Variants in TTC39C observed in about 807,000 individuals in gnomAD.
TTC39C encodes the protein tetratricopeptide repeat protein 39C.
TTC39C carries 33 observed loss-of-function variants against 76.3 expected under a neutral mutation model. The observed-to-expected ratio is 0.43, with a 90% CI of 0.33 to 0.58. The LOEUF is 0.58. Among genes scored for constraint, TTC39C ranks in the 20% least tolerant of loss-of-function variants. The pLI, the probability that TTC39C is intolerant of heterozygous loss-of-function variation, is 0.04. For synonymous variants in TTC39C, 254 were observed against 260.6 expected, an observed-to-expected ratio of 0.97 and a Z score of 0.24; for missense variants, 595 against 701.4, an observed-to-expected ratio of 0.85 and a Z score of 1.71.
At chr18:24,069,635 T>C (rs1372985975) in intron 4 of TTC39C, among the ~76,000 whole-genome samples, 1 of 152,196 alleles carries the variant, frequency 6.6e-6, no homozygotes, top group Non-Finnish European at 1.5e-5. Flanking sequence ...TTTCAGGAAG[T>C]TGTTATTAAG....
At chr18:23,996,378 T>C (rs1194838484) in intron 1 of TTC39C, among the ~76,000 whole-genome samples, 1 of 152,240 alleles carries the variant, frequency 6.6e-6, no homozygotes, top group Non-Finnish European at 1.5e-5. Flanking sequence ...AGGTACACTC[T>C]AAATGTAAGC....
At chr18:24,095,680 C>T (rs2084579374) in intron 6 of TTC39C, among the ~76,000 whole-genome samples, 2 of 152,260 alleles carry the variant, frequency 1.3e-5, no homozygotes, top group East Asian at 1.9e-4. Flanking sequence ...GCCTGGGCGA[C>T]AAGAGTGAAA....
At position 24,095,724 on chromosome 18, in the gene TTC39C, CT is replaced by C. The variant is rs149622463; in HGVS notation, c.984+12647del. Reference sequence around the variant, plus strand: ...CAAAAAACAAACAAACAAAAAAAAACTTTTCCTTTGCATTCACAGCTTGGCT... The same window carrying C: ...CAAAAAACAAACAAACAAAAAAAAACTTTCCTTTGCATTCACAGCTTGGCT... On this transcript the variant is annotated intron_variant, in intron 6 of 13. Transcript: ENST00000317571. Among the ~76,000 whole-genome samples the C allele has an allele frequency of 3.4e-3, 517 of 152,050 alleles. 2 individuals carry two copies. Among genetic ancestry groups the C allele is most frequent in the African/African-American group, 0.011 (473 of 41,514 alleles).
At chr18:24,013,928 T>C (rs1234408925), upstream of TTC39C, among the ~76,000 whole-genome samples, 2 of 152,272 alleles carry the variant, frequency 1.3e-5, no homozygotes, top group Non-Finnish European at 2.9e-5. Flanking sequence ...AGTGTGAGAA[T>C]AGAACACACT....
chr18:24,079,217 T>C (rs905560879), intron 4 of TTC39C, among the ~76,000 whole-genome samples: 1 of 152,142 alleles, frequency 6.6e-6, no homozygotes, highest in Non-Finnish European at 1.5e-5. Context: ...TACAGAAAAT[T>C]CCCTACAGAA....
chr18:23,998,611 A>G (rs1160267506), intron 1 of TTC39C, among the ~76,000 whole-genome samples: 1 of 152,138 alleles, frequency 6.6e-6, no homozygotes, highest in Non-Finnish European at 1.5e-5. Flanking sequence ...CTCTGTCTCA[A>G]AAATATATAA....
rs914046950 is a variant in TTC39C, at chr18:24,025,164, C to T, written c.167+10126C>T. On this transcript the variant is annotated intron_variant, in intron 1 of 13. Transcript: ENST00000317571. ...GATTACAGTCATGAGCCACTGCGCC[C>T]GGCCTCCAAAATAAAATAATTTTGA... Among the ~76,000 whole-genome samples, 5 of 152,250 alleles carry T rather than the reference C, an allele frequency of 3.3e-5. No individual in the cohort carries two copies. In the East Asian group the frequency reaches 5.8e-4, roughly 18 times the overall value.
At chr18:24,096,531 G>A (rs145262591) in intron 6 of TTC39C, among the ~76,000 whole-genome samples, 89 of 152,114 alleles carry the variant, frequency 5.9e-4, no homozygotes, top group African/African-American at 1.9e-3. Flanking sequence ...AATTGTAAAC[G>A]GATGTTTAAA....
At chr18:24,070,806 G>A (rs747952939) in intron 4 of TTC39C, among the ~76,000 whole-genome samples, 1 of 151,916 alleles carries the variant, frequency 6.6e-6, no homozygotes, top group Admixed American at 6.6e-5. Flanking sequence ...TCACTCCACC[G>A]CACTCCAGCC....
At chr18:24,011,692 C>A (rs796469294), upstream of TTC39C, among the ~76,000 whole-genome samples, 2 of 152,340 alleles carry the variant, frequency 1.3e-5, no homozygotes, top group African/African-American at 4.8e-5. Context: ...ATTAAAGTTT[C>A]ATTTTCACAG....
intron 1 of TTC39C, among the ~76,000 whole-genome samples, chr18:24,025,136 TG>T (rs2083584163): frequency 6.6e-6 from 1 of 152,210 alleles, no homozygotes; most frequent in South Asian, 2.1e-4. Flanking sequence ...CTAAAAGTGC[TG>T]GGATTACAGT....
intron 1 of TTC39C, among the ~76,000 whole-genome samples, chr18:24,035,729 T>A (rs948724443): frequency 5.9e-5 from 9 of 152,340 alleles, no homozygotes; most frequent in Admixed American, 5.9e-4. Flanking sequence ...ATTCCATGGA[T>A]TGCCTTTTCA....
intron 1 of TTC39C, among the ~76,000 whole-genome samples, chr18:24,007,519 G>T (rs2083363898): frequency 6.6e-6 from 1 of 152,116 alleles, no homozygotes; most frequent in South Asian, 2.1e-4. Context: ...GATAAACTGG[G>T]ATTACAGATG....
At position 24,045,258 on chromosome 18, in the gene TTC39C, G is replaced by A. The variant is rs534873289; in HGVS notation, c.168-18882G>A. On this transcript the variant is annotated intron_variant, in intron 1 of 13. Transcript: ENST00000317571. ...CACTCCAGCCTGGGTGACAGAGTAA[G>A]ACTCTGTCTCCAAAAAAAAAAAAAA... is the stretch of plus-strand genomic sequence containing the variant. 1.0e-3 allele frequency among the ~76,000 whole-genome samples: 75 copies of A among 72,460 alleles called. 1 individual carries two copies. The South Asian group carries it at 0.039, about 38-fold the overall frequency. The allele number at this position is 72,460 out of a possible 152,430, so 47.5% of individuals were successfully genotyped here.
intron 1 of TTC39C, among the ~76,000 whole-genome samples, chr18:24,006,661 A>G (rs2083355466): frequency 6.6e-6 from 1 of 152,204 alleles, no homozygotes; most frequent in Non-Finnish European, 1.5e-5. Flanking sequence ...ACTGTGGCCC[A>G]TATCTGAACT....
At position 24,032,360 on chromosome 18, in the gene TTC39C, G is replaced by A. The variant is rs1434931118; in HGVS notation, c.167+17322G>A. Among the ~76,000 whole-genome samples the A allele has an allele frequency of 7.2e-5, 11 of 152,150 alleles. 1 individual carries two copies. Among genetic ancestry groups the A allele is most frequent in the Non-Finnish European group, 1.0e-4 (7 of 68,020 alleles). ...TATCTGGCATAGCTTGGGCCTGCTTGGTTTGCCCCTTGACCGTCACTGCCT... is the reference window on the plus strand; with the variant it reads ...TATCTGGCATAGCTTGGGCCTGCTTAGTTTGCCCCTTGACCGTCACTGCCT... On this transcript the variant is annotated intron_variant, in intron 1 of 13. Coordinates refer to ENST00000317571, the MANE Select transcript of TTC39C (RefSeq NM_001135993.2).
intron 1 of TTC39C, among the ~76,000 whole-genome samples, chr18:24,021,326 C>T (rs1001495759): frequency 1.3e-5 from 2 of 152,170 alleles, no homozygotes; most frequent in Non-Finnish European, 2.9e-5. Flanking sequence ...ATTCGCGAGG[C>T]CGCTGCTCAT....
At chr18:24,081,792 C>T (rs1376136075) in intron 5 of TTC39C, among the ~76,000 whole-genome samples, 1 of 152,076 alleles carries the variant, frequency 6.6e-6, no homozygotes, top group African/African-American at 2.4e-5. Context: ...CATTGAAGTA[C>T]ACAGTTGTCC....
rs1368839894 is a variant in TTC39C at position 24,096,957 on chromosome 18, C to CTGAAGAAAAAT, written c.984+13879_984+13889dup. On this transcript the variant is annotated intron_variant, in intron 6 of 13. Transcript: ENST00000317571. ...AGTGCAGTCTTTTTTACATAATTAA[C>CTGAAGAAAAAT]TGAAGAAAAATTGGTGCCCTTTAAA... is the stretch of plus-strand genomic sequence containing the variant. Among the ~76,000 whole-genome samples, 490 of 152,228 alleles carry CTGAAGAAAAAT rather than the reference C, an allele frequency of 3.2e-3. 4 individuals are homozygous for CTGAAGAAAAAT. Among genetic ancestry groups the CTGAAGAAAAAT allele is most frequent in the African/African-American group, 0.012 (479 of 41,536 alleles).
Sources: gnomAD v4.1 joint callset for allele counts (sites outside exome capture counted in the v4.1 genomes callset) on GRCh38, gnomAD v4.1.1 for gene constraint, MANE v1.5 for transcripts, NCBI Gene and HGNC (gene_info 2026-07-23, HGNC 2026-07-21) for gene names.